BAG6: variants seen among roughly 807,000 people sequenced by gnomAD.
The protein encoded by BAG6 is large proline-rich protein BAG6.
Under a neutral mutation model 121.0 loss-of-function variants are expected in BAG6, and 22 were observed. The observed-to-expected ratio is 0.18, with a 90% CI of 0.13 to 0.26. BAG6 has a LOEUF of 0.26. BAG6 is among the 10% of genes least tolerant of loss of function. The probability of loss-of-function intolerance (pLI) is 1.00; values close to 1 mark genes in which losing one functional copy is unlikely to be tolerated. For missense variants in BAG6, 1,233 were observed against 1,537.7 expected, an observed-to-expected ratio of 0.80 and a Z score of 3.31; for synonymous variants, 583 against 584.6, an observed-to-expected ratio of 1.00 and a Z score of 0.04.
At position 31,649,286 on chromosome 6, in the gene BAG6, T is replaced by C; in HGVS notation, c.336A>G (p.Gly112=). 1 of 1,612,744 alleles carries C rather than the reference T, an allele frequency of 6.2e-7. No homozygotes were observed. Among genetic ancestry groups the C allele is most frequent in the East Asian group, 2.2e-5 (1 of 44,874 alleles). Residue 112 remains glycine, a synonymous_variant, in exon 4 of 26, where the codon GGA becomes GGG. Coordinates refer to ENST00000676615, the MANE Select transcript of BAG6 (RefSeq NM_001387994.1). ...TGSASATHGG[G]SPPGTRGPGA... is the part of the protein sequence containing the mutation. ...CAGGCCCCCGAGTACCAGGGGGGGA[T>C]CCCCCACCATGAGTGGCTGAGGCAG...
chr6:31,640,386 G>T lies in BAG6; in HGVS notation c.3137C>A (p.Pro1046Gln), dbSNP rs759126239. The change falls in exon 23 of 26, where the codon CCA becomes CAA. Residue 1046 changes from proline to glutamine, a missense_variant and splice_region_variant. Pro to Gln is a moderately conservative substitution (Grantham distance 76). This residue lies in a region of BAG6 where 288 missense variants were observed against 483.1 expected (regional missense o/e 0.60). Transcript: ENST00000676615. This position sits in a 1 kb window ranked among gnomAD's most constrained non-coding sequence, Gnocchi z 4.2. ...ACTGGATTACTTCCTGACACTTACT[G>T]GGGGGACTGCAGCTGCCCAAGGTTC... ...ETEPWAAAVP[P>Q]EWVPIIQQDI... 4 of 1,614,146 alleles carry T rather than the reference G, an allele frequency of 2.5e-6. No homozygotes were observed. The highest frequency in any genetic ancestry group is 1.7e-5 in the Admixed American group (1 of 60,018).
chr6:31,644,908 AT>A lies in BAG6; in HGVS notation c.1369+37del. 2 of 1,544,070 alleles carry A rather than the reference AT, an allele frequency of 1.3e-6. No homozygotes were observed. Among genetic ancestry groups the A allele is most frequent in the Non-Finnish European group, 1.7e-6 (2 of 1,144,630 alleles). ...CACCTCAGCATGAACCTCCCTCATCATGCTGATCCTGCTCTTCTCGCCAGCA... is the reference window on the plus strand; with the variant it reads ...CACCTCAGCATGAACCTCCCTCATCAGCTGATCCTGCTCTTCTCGCCAGCA... On this transcript the variant is annotated intron_variant, in intron 10 of 25. Transcript: ENST00000676615. This position sits in a 1 kb window ranked among gnomAD's most constrained non-coding sequence, Gnocchi z 4.9.
At position 31,642,350 on chromosome 6, in the gene BAG6, G is replaced by T; in HGVS notation, c.2097C>A (p.Ala699=). The T allele has an allele frequency of 6.5e-7, 1 of 1,538,018 alleles. No homozygotes were observed. Among genetic ancestry groups the T allele is most frequent in the African/African-American group, 1.4e-5 (1 of 72,606 alleles). The change falls in exon 16 of 26, where the codon GCC becomes GCA. Residue 699 remains alanine (A), a synonymous_variant. Coordinates refer to ENST00000676615, the MANE Select transcript of BAG6 (RefSeq NM_001387994.1). The stretch of plus-strand genomic sequence containing the variant: ...GTGGGGGCATGGTCTGCTGCTCTGG[G>T]GCAGGTGGTGGGGGTGGAGGAGGTG... ...PPPPPPPPPP[A]PEQQTMPPPG...
chr6:31,639,401 C>A, intron 25 of BAG6, 99 bp downstream of exon 25: 1 of 1,532,844 alleles, frequency 6.5e-7, no homozygotes, highest in South Asian at 1.2e-5. Context: ...CAAATGGTAG[C>A]ACCAGGCTGA....
chr6:31,643,825 G>A, intron 14 of BAG6, 65 bp downstream of exon 14: 1 of 1,518,732 alleles, frequency 6.6e-7, no homozygotes, highest in Non-Finnish European at 9.0e-7. Flanking sequence ...GAAAGAACTG[G>A]AAAGTGCCAG....
chr6:31,641,089 C>G lies in BAG6; in HGVS notation c.2787+15G>C. 6.2e-7 allele frequency: 1 copy of G among 1,612,870 alleles called. No individual in the cohort carries two copies. Among genetic ancestry groups the G allele is most frequent in the South Asian group, 1.1e-5 (1 of 91,074 alleles). On this transcript the variant is annotated intron_variant, in intron 20 of 25. Transcript: ENST00000676615. The surrounding 1 kb of genome is among the most constrained non-coding windows in gnomAD (Gnocchi z 5.7). The stretch of plus-strand genomic sequence containing the variant: ...GAAACAAAAGGCTAAGGATCTGGGG[C>G]TAGGTGGTGCTTACAATTCGGCCAT...
In BAG6 at chr6:31,645,475, G is replaced by A; in HGVS notation, c.1048C>T (p.His350Tyr). 6.2e-7 allele frequency: 1 copy of A among 1,613,114 alleles called. No homozygotes were observed. The highest frequency in any genetic ancestry group is 8.5e-7 in the Non-Finnish European group (1 of 1,180,038). Reference sequence around the variant, plus strand: ...TAGTGAGACATAGGCCGGACCACATGCAGGTGTCGTGGGGGCGTGCAGGCC... The same window carrying A: ...TAGTGAGACATAGGCCGGACCACATACAGGTGTCGTGGGGGCGTGCAGGCC... ...NLACTPPRHL[H>Y]VVRPMSHYTT... Residue 350 changes from histidine to tyrosine, a missense_variant, in exon 9 of 26, where the codon CAT (histidine) becomes TAT (tyrosine). His to Tyr is a moderately conservative substitution (Grantham distance 83, BLOSUM62 2). Coordinates refer to ENST00000676615, the MANE Select transcript of BAG6 (RefSeq NM_001387994.1).
intron 14 of BAG6, 47 bp from the exon 15 acceptor site, chr6:31,643,162 T>C (rs2150761677): frequency 6.6e-7 from 1 of 1,515,176 alleles, no homozygotes; most frequent in Non-Finnish European, 8.8e-7. Flanking sequence ...TGGTGGCTCT[T>C]GGCTGTAATC....
At chr6:31,643,593 G>A (rs1004467908) in intron 14 of BAG6, among the ~76,000 whole-genome samples, 1 of 150,222 alleles carries the variant, frequency 6.7e-6, no homozygotes, top group Non-Finnish European at 1.5e-5. Context: ...GCGTGGTGGC[G>A]TGCACCTGTA....
chr6:31,642,025 C>T, intron 16 of BAG6, 80 bp from the exon 17 acceptor site: 15 of 1,595,190 alleles, frequency 9.4e-6, no homozygotes, highest in Non-Finnish European at 1.2e-5. Context: ...AACCTCATCC[C>T]ACCTTGGCAA....
In BAG6 at chr6:31,641,108, CG is replaced by C; in HGVS notation, c.2782del (p.Arg928GlufsTer9). 1 of 1,612,960 alleles carries C rather than the reference CG, an allele frequency of 6.2e-7. No homozygotes were observed. The highest frequency in any genetic ancestry group is 8.5e-7 in the Non-Finnish European group (1 of 1,179,922). On this transcript the variant is annotated frameshift_variant, in exon 20 of 26. Transcript: ENST00000676615. LOFTEE classifies it high-confidence loss of function. The surrounding 1 kb of genome is among the most constrained non-coding windows in gnomAD (Gnocchi z 5.7). ...CTGGGGCTAGGTGGTGCTTACAATT[CG>C]GCCATTGATAACAGCAGCAAGCTCC... ...QMELAAVINGRIRRMSRGVNP... is the reference protein window; with the variant it reads ...QMELAAVINGXIRRMSRGVNP...
Position 31,651,660 on chromosome 6 carries a change from G to GC in BAG6, c.103dup (p.Ala35GlyfsTer9). On this transcript the variant is annotated frameshift_variant, in exon 2 of 26. Coordinates refer to ENST00000676615, the MANE Select transcript of BAG6 (RefSeq NM_001387994.1). LOFTEE classifies it high-confidence loss of function. ...AGAACTAGTGAGGTGTCTCACCTGG[G>GC]CCCCCACAATAAAGGTACGAGTTTG... is the stretch of plus-strand genomic sequence containing the variant. 1 of 1,612,936 alleles carries GC rather than the reference G, an allele frequency of 6.2e-7. No individual in the cohort carries two copies. Among genetic ancestry groups the GC allele is most frequent in the Non-Finnish European group, 8.5e-7 (1 of 1,179,918 alleles).
intron 4 of BAG6, 55 bp from the exon 5 acceptor site, chr6:31,649,019 C>A: frequency 1.3e-6 from 2 of 1,511,336 alleles, no homozygotes; most frequent in South Asian, 1.3e-5. Flanking sequence ...AAGGCCTCCA[C>A]ACCTCCAATT....
chr6:31,645,006 C>A lies in BAG6; in HGVS notation c.1309G>T (p.Val437Phe), dbSNP rs1333959523. The change falls in exon 10 of 26, where the codon GTC becomes TTC. Residue 437 changes from valine to phenylalanine, a missense_variant. Physicochemically the swap from Val to Phe is conservative, Grantham distance 50. Around this residue, in one of 7 missense-constraint regions of BAG6, gnomAD observed 777 missense variants for 861.4 expected, o/e 0.90. Transcript: ENST00000676615. ...ACACTCTGGTGGGAAATCCGGATGA[C>A]CCTCGGGTGGCTGGTGGCTGGCGGG... is the stretch of plus-strand genomic sequence containing the variant. ...APPPATSHPR[V>F]IRISHQSVEP... is the part of the protein sequence containing the mutation. 2.2e-5 allele frequency: 35 copies of A among 1,611,110 alleles called. No individual in the cohort carries two copies. Among genetic ancestry groups the A allele is most frequent in the Non-Finnish European group, 2.7e-5 (32 of 1,178,956 alleles).
intron 7 of BAG6, among the ~76,000 whole-genome samples, chr6:31,647,213 T>C (rs1790690525): frequency 6.6e-6 from 1 of 152,288 alleles, no homozygotes; most frequent in African/African-American, 2.4e-5. Context: ...AAAGCTTCTA[T>C]TCTTTACTCC....
chr6:31,640,845 C>T lies in BAG6; in HGVS notation c.2881G>A (p.Val961Ile), dbSNP rs1200110771. 1.2e-6 allele frequency: 2 copies of T among 1,612,608 alleles called. No homozygotes were observed. The highest frequency in any genetic ancestry group is 1.3e-5 in the African/African-American group (1 of 74,912). Reference protein sequence around the residue: ...RLQVVLEHMPVGPDAILRYVR... With the variant: ...RLQVVLEHMPIGPDAILRYVR... ...TATCTGAGAATGGCATCAGGGCCTA[C>T]AGGCATGTGCTCCAGTACCACCTGA... Residue 961 changes from valine (V) to isoleucine (I), a missense_variant, in exon 21 of 26, where the codon GTA becomes ATA. By Grantham distance (29) the Val-to-Ile change is conservative. Transcript: ENST00000676615. This position sits in a 1 kb window ranked among gnomAD's most constrained non-coding sequence, Gnocchi z 4.2.
Position 31,643,876 on chromosome 6 carries a change from G to A in BAG6, c.1756+14C>T. ...AGGAGTTTAAACTCTGAGTGGGGAA[G>A]AATGAAAACTCACCCACAAGGACTG... On this transcript the variant is annotated intron_variant, in intron 14 of 25. Coordinates refer to ENST00000676615, the MANE Select transcript of BAG6 (RefSeq NM_001387994.1). The A allele has an allele frequency of 1.2e-6, 2 of 1,612,082 alleles. No individual in the cohort carries two copies. Among genetic ancestry groups the A allele is most frequent in the South Asian group, 2.2e-5 (2 of 91,070 alleles).
intron 1 of BAG6, 39 bp from the exon 2 acceptor site, chr6:31,651,815 A>G: frequency 6.6e-7 from 1 of 1,518,036 alleles, no homozygotes; most frequent in Non-Finnish European, 9.1e-7. Context: ...GCTGTTGCCC[A>G]GACCAGAGTG....
intron 8 of BAG6, 62 bp downstream of exon 8, chr6:31,646,332 G>A: frequency 6.3e-7 from 1 of 1,576,028 alleles, no homozygotes; most frequent in African/African-American, 1.4e-5. Context: ...CTGCATTTCA[G>A]CCTGTTCTGT....
Sources: allele counts gnomAD v4.1 joint callset (sites outside exome capture counted in the v4.1 genomes callset), GRCh38; gene constraint gnomAD v4.1.1; regional missense constraint gnomAD v4.1.1; non-coding constraint Gnocchi (gnomAD v3.1); transcripts MANE v1.5; gene names NCBI Gene and HGNC (gene_info 2026-07-23, HGNC 2026-07-21).